TRPM2: variants seen among roughly 807,000 people sequenced by gnomAD.
The protein encoded by TRPM2 is transient receptor potential cation channel subfamily M member 2, also known as estrogen-responsive element-associated gene 1 protein.
In TRPM2, 161 loss-of-function variants were observed where a neutral mutation model predicts 174.0. That is an observed-to-expected ratio of 0.93 (90% CI 0.81 to 1.05). The LOEUF (loss-of-function observed/expected upper bound fraction) is 1.05. Ranked by LOEUF, TRPM2 falls within the 50% of genes least tolerant of loss-of-function variation. The probability of loss-of-function intolerance (pLI) is 0.00; values close to 1 mark genes in which losing one functional copy is unlikely to be tolerated. For synonymous variants in TRPM2, 954 were observed against 861.3 expected, an observed-to-expected ratio of 1.11 and a Z score of -1.88; for missense variants, 2,057 against 2,038.0, an observed-to-expected ratio of 1.01 and a Z score of -0.18.
At chr21:44,435,891 ACTCTCTC>A (rs2051240153) in intron 28 of TRPM2, among the ~76,000 whole-genome samples, 3 of 107,676 alleles carry the variant, frequency 2.8e-5, no homozygotes, top group Admixed American at 1.1e-4. Flanking sequence ...ACAGCCCCAC[ACTCTCTC>A]CTCAGACTCA....
Position 44,425,752 on chromosome 21 carries a change from G to T in TRPM2, c.3720G>T (p.Val1240=). The change falls in exon 25 of 32, where the codon GTG becomes GTT. Residue 1240 remains valine (V), a synonymous_variant. Transcript: ENST00000397928. ...KTEEPGDSYH[V]NARHLLYPNC... ...AGGAGCCGGGCGACAGCTACCACGT[G>T]AATGCCCGGCACCTCCTCTACCCCA... 6.3e-7 allele frequency: 1 copy of T among 1,594,850 alleles called. No homozygotes were observed. Among genetic ancestry groups the T allele is most frequent in the Non-Finnish European group, 8.6e-7 (1 of 1,169,452 alleles).
In TRPM2 at chr21:44,366,679, C is replaced by A; in HGVS notation, c.424-75C>A. ...TCTGCCGCCCGCTGGGGCCTCTCTG[C>A]ATGGCCTGTGTGGGTCGGTGCTGTC... On this transcript the variant is annotated intron_variant, in intron 3 of 31. Coordinates refer to ENST00000397928, the MANE Select transcript of TRPM2 (RefSeq NM_003307.4). The surrounding 1 kb of genome is among the most constrained non-coding windows in gnomAD (Gnocchi z 6.0). The A allele has an allele frequency of 1.2e-6, 2 of 1,603,584 alleles. No individual in the cohort carries two copies. The highest frequency in any genetic ancestry group is 1.7e-6 in the Non-Finnish European group (2 of 1,175,004).
intron 19 of TRPM2, among the ~76,000 whole-genome samples, chr21:44,410,965 G>C (rs1254198388): frequency 6.6e-6 from 1 of 150,378 alleles, no homozygotes; most frequent in Admixed American, 6.6e-5. Context: ...TAGCCTTATA[G>C]TAAGTTTTGA....
intron 11 of TRPM2, among the ~76,000 whole-genome samples, chr21:44,393,441 C>G (rs1464542238): frequency 3.9e-5 from 6 of 152,138 alleles, no homozygotes; most frequent in Non-Finnish European, 7.3e-5. Flanking sequence ...ATTCTCTTGG[C>G]AACATTTTCA....
At chr21:44,430,418 T>TAACTACTTTATCTTCCATAATGA (rs1246599172) in intron 27 of TRPM2, among the ~76,000 whole-genome samples, 14 of 37,154 alleles carry the variant, frequency 3.8e-4, no homozygotes, top group South Asian at 1.9e-3. Flanking sequence ...AGTGGATTTC[T>TAACTACTTTATCTTCCATAATGA]TTTTTTTTTT....
rs542770628 is a variant in TRPM2, at chr21:44,405,680, G to A, written c.2658-225G>A. On this transcript the variant is annotated intron_variant, in intron 17 of 31. Transcript: ENST00000397928. ...CTGGCTAACTGCTGGCTCTCCAGGT[G>A]CCCCCATGCCAGGCTGCCCTGTGGG... 1.7e-4 allele frequency among the ~76,000 whole-genome samples: 26 copies of A among 152,262 alleles called. 1 individual carries two copies. In the South Asian group the frequency reaches 5.4e-3, roughly 32 times the overall value.
Position 44,423,963 on chromosome 21 carries a change from G to A in TRPM2, c.3549+231G>A, listed in dbSNP as rs955986702. The stretch of plus-strand genomic sequence containing the variant: ...CTTCTGTGTGCACTGAGGCCTCCAC[G>A]GCCGGGCTGTGCTCCTCGCTGCTCC... On this transcript the variant is annotated intron_variant, in intron 23 of 31. Transcript: ENST00000397928. Among the ~76,000 whole-genome samples, 5 of 152,170 alleles carry A rather than the reference G, an allele frequency of 3.3e-5. 1 individual carries two copies. Among genetic ancestry groups the A allele is most frequent in the South Asian group, 4.1e-4 (2 of 4,832 alleles).
chr21:44,401,931 C>G lies in TRPM2; in HGVS notation c.2538+34C>G, dbSNP rs577813537. The G allele has an allele frequency of 7.5e-6, 12 of 1,609,714 alleles. No individual in the cohort carries two copies. In the African/African-American group the frequency reaches 1.3e-4, roughly 18 times the overall value. The stretch of plus-strand genomic sequence containing the variant: ...CCACCCGCTTTTCCACGCCCCAGCC[C>G]GGGGCCACCCACTTGGCTGCATTCT... On this transcript the variant is annotated intron_variant, in intron 16 of 31. Coordinates refer to ENST00000397928, the MANE Select transcript of TRPM2 (RefSeq NM_003307.4).
At position 44,366,502 on chromosome 21, in the gene TRPM2, G is replaced by C. The variant is rs2048366325; in HGVS notation, c.424-252G>C. On this transcript the variant is annotated intron_variant, in intron 3 of 31. Transcript: ENST00000397928. This position sits in a 1 kb window ranked among gnomAD's most constrained non-coding sequence, Gnocchi z 6.0. ...AAGTGGGTGCCGTGGGGGCACGAGG[G>C]CTGGGGGAGGTTTGCTGAGGGCGAT... 6.6e-6 allele frequency among the ~76,000 whole-genome samples: 1 copy of C among 152,174 alleles called. No individual in the cohort carries two copies. The highest frequency in any genetic ancestry group is 2.4e-5 in the African/African-American group (1 of 41,462).
chr21:44,367,020 C>T lies in TRPM2; in HGVS notation c.604+86C>T. 1.9e-5 allele frequency: 27 copies of T among 1,437,538 alleles called. No individual in the cohort carries two copies. Among genetic ancestry groups the T allele is most frequent in the Non-Finnish European group, 2.3e-5 (25 of 1,085,594 alleles). 89.0% of individuals were successfully genotyped at this position (1,437,538 alleles called of 1,614,324 possible). A position where few individuals can be genotyped will look rare whatever the true frequency, so the allele number is the denominator to read the frequency against. On this transcript the variant is annotated intron_variant, in intron 4 of 31. Coordinates refer to ENST00000397928, the MANE Select transcript of TRPM2 (RefSeq NM_003307.4). This position sits in a 1 kb window ranked among gnomAD's most constrained non-coding sequence, Gnocchi z 4.6. ...GCTGGGGCAATCAGGGCCATCAGGA[C>T]CCAAAAAGTCCCTGGGAGCCGCCGA...
Position 44,364,134 on chromosome 21 carries a change from G to A in TRPM2, c.275G>A (p.Gly92Asp), listed in dbSNP as rs923790794. The change falls in exon 3 of 32, where the codon GGC becomes GAC. Residue 92 changes from glycine to aspartate, a missense_variant. Physicochemically the swap from Gly to Asp is moderately conservative, Grantham distance 94. Coordinates refer to ENST00000397928, the MANE Select transcript of TRPM2 (RefSeq NM_003307.4). ...TGCAGGAAGGTGGTGTGTCAGTGTG[G>A]CTACACGCATGAGCAGCACTTGGAG... The part of the protein sequence containing the change: ...SDAGKVVCQC[G>D]YTHEQHLEEA... 6.2e-7 allele frequency: 1 copy of A among 1,613,910 alleles called. No individual in the cohort carries two copies. Among genetic ancestry groups the A allele is most frequent in the Non-Finnish European group, 8.5e-7 (1 of 1,179,958 alleles).
At chr21:44,405,807 C>T (rs1201177553) in intron 17 of TRPM2, 98 bp from the exon 18 acceptor site, 4 of 1,465,804 alleles carry the variant, frequency 2.7e-6, no homozygotes, top group Non-Finnish European at 3.6e-6. Flanking sequence ...CCTCCAGGGC[C>T]CACCTGGGCT....
At position 44,366,076 on chromosome 21, in the gene TRPM2, C is replaced by G. The variant is rs1205028744; in HGVS notation, c.424-678C>G. On this transcript the variant is annotated intron_variant, in intron 3 of 31. Transcript: ENST00000397928. This position sits in a 1 kb window ranked among gnomAD's most constrained non-coding sequence, Gnocchi z 6.0. ...CCCCGCTGGGTCTCTTCAGACACAG[C>G]CCGCCTAGCGGAACAGGGAAAGTCC... Among the ~76,000 whole-genome samples the G allele has an allele frequency of 6.6e-6, 1 of 152,220 alleles. No homozygotes were observed. Among genetic ancestry groups the G allele is most frequent in the African/African-American group, 2.4e-5 (1 of 41,454 alleles).
chr21:44,397,514 G>A (rs1357157175), intron 12 of TRPM2, among the ~76,000 whole-genome samples: 1 of 152,194 alleles, frequency 6.6e-6, no homozygotes, highest in African/African-American at 2.4e-5. Flanking sequence ...AGGCTTTGCA[G>A]GGCAAGCAGA....
upstream of TRPM2, among the ~76,000 whole-genome samples, chr21:44,352,641 C>T (rs2047945943): frequency 6.6e-6 from 1 of 152,168 alleles, no homozygotes; most frequent in Admixed American, 6.5e-5. Flanking sequence ...CCATGGATGA[C>T]CTCATGAGAA....
intron 28 of TRPM2, 74 bp from the exon 29 acceptor site, chr21:44,436,988 C>T: frequency 7.2e-7 from 1 of 1,394,778 alleles, no homozygotes; most frequent in South Asian, 1.3e-5. Flanking sequence ...CCAGGCAGGG[C>T]CAGCCCCGCC....
In TRPM2 at chr21:44,363,973, C is replaced by G. The variant is rs565923044; in HGVS notation, c.255-141C>G. 8.3e-6 allele frequency: 7 copies of G among 839,502 alleles called. No individual in the cohort carries two copies. The East Asian group carries it at 1.9e-4, about 23-fold the overall frequency. The allele number at this position is 839,502 out of a possible 1,614,324, so 52.0% of individuals were successfully genotyped here. ...GCCCACCATTAGGCCTTTGCTGCCT[C>G]CCCCATGGCTGGAAGGGCAGGTGCT... On this transcript the variant is annotated intron_variant, in intron 2 of 31. Coordinates refer to ENST00000397928, the MANE Select transcript of TRPM2 (RefSeq NM_003307.4).
chr21:44,413,819 G>GC (rs1320502324), intron 19 of TRPM2, 72 bp from the exon 20 acceptor site: 1 of 1,535,532 alleles, frequency 6.5e-7, no homozygotes, highest in Non-Finnish European at 8.9e-7. Context: ...GGCCTCGAGG[G>GC]CCCCCTCCTG....
chr21:44,380,532 G>A (rs1001770325), intron 8 of TRPM2, among the ~76,000 whole-genome samples: 3 of 152,248 alleles, frequency 2.0e-5, no homozygotes, highest in Non-Finnish European at 1.5e-5. Flanking sequence ...CCAAGCCAAG[G>A]CCCTGAAAGT....
Sources: gnomAD v4.1 joint callset for allele counts (sites outside exome capture counted in the v4.1 genomes callset) on GRCh38, gnomAD v4.1.1 for gene constraint, Gnocchi (gnomAD v3.1) non-coding constraint, MANE v1.5 for transcripts, NCBI Gene and HGNC (gene_info 2026-07-23, HGNC 2026-07-21) for gene names.